CALN1: variants seen among roughly 807,000 people sequenced by gnomAD.
CALN1 encodes the protein calcium-binding protein 8.
In CALN1, 17 loss-of-function variants were observed where a neutral mutation model predicts 30.6. That is an observed-to-expected ratio of 0.56 (90% CI 0.38 to 0.83). CALN1 has a LOEUF of 0.83. CALN1 is among the 40% of genes least tolerant of loss of function. The pLI is 0.00. For synonymous variants in CALN1, 156 were observed against 131.4 expected (o/e 1.19, Z -1.28); for missense variants, 291 against 354.9 (o/e 0.82, Z 1.45).
intron 2 of CALN1, among the ~76,000 whole-genome samples, chr7:72,384,117 G>A (rs1037968529): frequency 2.0e-5 from 3 of 152,202 alleles, no homozygotes; most frequent in African/African-American, 7.2e-5. Context: ...CTTGGAGGAA[G>A]GAGGCGGCAA....
intron 3 of CALN1, among the ~76,000 whole-genome samples, chr7:72,123,080 C>T (rs1420740859): frequency 2.6e-5 from 4 of 152,116 alleles, no homozygotes; most frequent in African/African-American, 4.8e-5. Context: ...CTGGGGGTCA[C>T]AGCTATTTAC....
chr7:72,205,254 G>A (rs2129547705), intron 3 of CALN1, among the ~76,000 whole-genome samples: 1 of 151,724 alleles, frequency 6.6e-6, no homozygotes, highest in African/African-American at 2.4e-5. Flanking sequence ...CCAGGTTGGA[G>A]TGCAGTAGTG....
At chr7:72,248,421 G>A (rs1389049749) in intron 3 of CALN1, among the ~76,000 whole-genome samples, 3 of 152,076 alleles carry the variant, frequency 2.0e-5, no homozygotes, top group Non-Finnish European at 4.4e-5. Context: ...CTCACTTCCA[G>A]AGGTGGCCTG....
chr7:71,791,737 C>T (rs1039833621), intron 6 of CALN1, among the ~76,000 whole-genome samples: 12 of 152,166 alleles, frequency 7.9e-5, no homozygotes, highest in South Asian at 2.1e-4. Flanking sequence ...AGGCCGGGCA[C>T]GGTGGCTCAC....
intron 5 of CALN1, among the ~76,000 whole-genome samples, chr7:71,927,964 C>T (rs947975588): frequency 5.9e-5 from 9 of 152,164 alleles, no homozygotes; most frequent in African/African-American, 1.7e-4. Flanking sequence ...TTTCTGCTTC[C>T]TTGCTGCAAT....
At chr7:72,304,415 G>A (rs186003996) in intron 2 of CALN1, among the ~76,000 whole-genome samples, 1 of 152,102 alleles carries the variant, frequency 6.6e-6, no homozygotes, top group Non-Finnish European at 1.5e-5. Flanking sequence ...GGCCAGGAAG[G>A]GGGGATTGCC....
chr7:72,269,018 G>A (rs1294946996), intron 3 of CALN1, among the ~76,000 whole-genome samples: 3 of 152,144 alleles, frequency 2.0e-5, no homozygotes, highest in Non-Finnish European at 4.4e-5. Flanking sequence ...CAAGCCCCAT[G>A]CTCGCCCTGG....
At chr7:72,498,502 C>A in the CALN1 span, among the ~76,000 whole-genome samples, 5 of 151,754 alleles carry the variant, frequency 3.3e-5, no homozygotes, top group Non-Finnish European at 5.9e-5. Context: ...ATAAATGGAG[C>A]CTGGAAGACA....
intron 3 of CALN1, among the ~76,000 whole-genome samples, chr7:72,218,074 C>T (rs1450432314): frequency 1.3e-5 from 2 of 151,258 alleles, no homozygotes; most frequent in African/African-American, 4.8e-5. Flanking sequence ...GATCTCCTGA[C>T]CTCGTGATCC....
At chr7:72,345,560 G>T (rs998815178) in intron 2 of CALN1, among the ~76,000 whole-genome samples, 2 of 148,100 alleles carry the variant, frequency 1.4e-5, no homozygotes, top group Non-Finnish European at 3.0e-5. Flanking sequence ...AAGAAGAAAG[G>T]GAGGGAGGGA....
At chr7:72,371,023 T>C (rs535080830) in intron 2 of CALN1, among the ~76,000 whole-genome samples, 72 of 134,386 alleles carry the variant, frequency 5.4e-4, no homozygotes, top group Non-Finnish European at 8.9e-4. Flanking sequence ...ACTCCAACTT[T>C]GGTGACAGAG....
intron 1 of CALN1, among the ~76,000 whole-genome samples, chr7:72,411,231 GTATT>G: frequency 6.6e-6 from 1 of 152,036 alleles, no homozygotes; most frequent in East Asian, 1.9e-4. Context: ...AAACACAACT[GTATT>G]TCAAGTTAAT....
intron 2 of CALN1, among the ~76,000 whole-genome samples, chr7:72,353,839 CAGAATACAAGGTCAA>C (rs548486757): frequency 2.7e-4 from 41 of 152,104 alleles, no homozygotes; most frequent in Non-Finnish European, 3.2e-4. Flanking sequence ...AACAAGGTCA[CAGAATACAAGGTCAA>C]TGCCAACAAT....
chr7:72,103,885 C>T (rs376235832), intron 4 of CALN1, among the ~76,000 whole-genome samples: 1 of 151,946 alleles, frequency 6.6e-6, no homozygotes, highest in Non-Finnish European at 1.5e-5. Context: ...CCAAAGCTTG[C>T]GGGTTATCGT....
At chr7:72,485,742 G>C in the CALN1 span, among the ~76,000 whole-genome samples, 16 of 152,100 alleles carry the variant, frequency 1.1e-4, no homozygotes, top group Admixed American at 5.2e-4. Context: ...GTGGTGGCAT[G>C]CACCTGTAAT....
chr7:71,829,656 C>T (rs1481224815), intron 5 of CALN1, among the ~76,000 whole-genome samples: 1 of 152,094 alleles, frequency 6.6e-6, no homozygotes, highest in Non-Finnish European at 1.5e-5. Context: ...TGGGTCGGGC[C>T]CTGAGGGTAA....
intron 2 of CALN1, 153 bp downstream of exon 2, chr7:72,403,098 C>T (rs1352599469): frequency 3.5e-6 from 2 of 577,726 alleles, no homozygotes; most frequent in Non-Finnish European, 6.1e-6. Flanking sequence ...TCTCTGTACC[C>T]AGCCAGGACA....
chr7:72,054,497 A>G (rs1365820119), intron 4 of CALN1, among the ~76,000 whole-genome samples: 1 of 110,002 alleles, frequency 9.1e-6, no homozygotes, highest in Non-Finnish European at 1.6e-5. Context: ...ATATACATAT[A>G]TACATATATA....
At chr7:72,115,859 C>T (rs1157672254) in intron 3 of CALN1, among the ~76,000 whole-genome samples, 2 of 151,980 alleles carry the variant, frequency 1.3e-5, no homozygotes, top group East Asian at 3.9e-4. Context: ...CAGCAACCTA[C>T]TCTCTATTTT....
Sources: allele counts gnomAD v4.1 joint callset (sites outside exome capture counted in the v4.1 genomes callset), GRCh38; gene constraint gnomAD v4.1.1; transcripts MANE v1.5; gene names NCBI Gene and HGNC (gene_info 2026-07-23, HGNC 2026-07-21).